The following ZBTB20 variants were observed in gnomAD, a reference collection of about 807,000 sequenced individuals.
ZBTB20 encodes zinc finger and BTB domain containing 20, also known as zinc finger and BTB domain-containing protein 20.
ZBTB20 carries 9 observed loss-of-function variants against 56.9 expected under a neutral mutation model. The ratio of observed to expected loss-of-function variants is 0.16; its 90% confidence interval spans 0.10 to 0.28. The LOEUF (loss-of-function observed/expected upper bound fraction) is 0.28, where lower values mean the gene tolerates loss of function less well. Among genes scored for constraint, ZBTB20 ranks in the 10% least tolerant of loss-of-function variants. ZBTB20 has a pLI of 1.00. For synonymous variants in ZBTB20, 417 were observed against 420.7 expected (o/e 0.99, Z 0.11); for missense variants, 655 against 1,003.0 (o/e 0.65, Z 4.69).
chr3:114,444,784 A>T (rs2091163708), intron 7 of ZBTB20, among the ~76,000 whole-genome samples: 1 of 152,110 alleles, frequency 6.6e-6, no homozygotes, highest in African/African-American at 2.4e-5. Flanking sequence ...TTCTCTATTT[A>T]AAATTCCTGG....
intron 6 of ZBTB20, among the ~76,000 whole-genome samples, chr3:114,639,725 AG>A (rs1461650575): frequency 6.6e-6 from 1 of 152,048 alleles, no homozygotes; most frequent in African/African-American, 2.4e-5. Flanking sequence ...AGCAATAGTT[AG>A]CAATACGAGT....
intron 10 of ZBTB20, among the ~76,000 whole-genome samples, chr3:114,372,434 G>T (rs1021592471): frequency 6.6e-5 from 10 of 152,144 alleles, no homozygotes. Flanking sequence ...TTTTATAAGA[G>T]GACAGACTGT....
intron 3 of ZBTB20, among the ~76,000 whole-genome samples, chr3:114,905,914 C>T (rs185821597): frequency 4.0e-5 from 6 of 151,792 alleles, no homozygotes; most frequent in Non-Finnish European, 7.4e-5. Flanking sequence ...CAGTTCCTAA[C>T]CAATTATGTG....
rs192321489 is a variant in ZBTB20, at chr3:115,035,335, T to A, written c.-507+35884A>T. Among the ~76,000 whole-genome samples, 326 of 152,030 alleles carry A rather than the reference T, an allele frequency of 2.1e-3. 2 individuals are homozygous for A. Among genetic ancestry groups the A allele is most frequent in the Non-Finnish European group, 3.2e-3 (220 of 67,924 alleles). On this transcript the variant is annotated intron_variant, in intron 2 of 11. Transcript: ENST00000675478. ...TCTCATATTGGATAAGGGGTTAACA[T>A]CCAAAATATACAGAGAACTCCTAAA...
intron 5 of ZBTB20, among the ~76,000 whole-genome samples, chr3:114,716,312 A>G (rs964733151): frequency 2.0e-5 from 3 of 152,288 alleles, no homozygotes; most frequent in South Asian, 4.1e-4. Context: ...TAGATAAATT[A>G]CAGTACATGC....
intron 4 of ZBTB20, among the ~76,000 whole-genome samples, chr3:114,814,282 A>G (rs1279166541): frequency 6.7e-6 from 1 of 149,382 alleles, no homozygotes; most frequent in East Asian, 1.9e-4. Flanking sequence ...TTATATAAAT[A>G]TATTTATACA....
intron 6 of ZBTB20, among the ~76,000 whole-genome samples, chr3:114,685,363 G>C (rs1285224874): frequency 1.3e-5 from 2 of 152,150 alleles, no homozygotes; most frequent in African/African-American, 4.8e-5. Flanking sequence ...TTCATGAGCT[G>C]ACAAGGACTT....
intron 8 of ZBTB20, 66 bp downstream of exon 8, chr3:114,388,939 T>C (rs1008829576): frequency 1.3e-5 from 2 of 148,634 alleles, no homozygotes; most frequent in African/African-American, 5.2e-5. Context: ...CAATTTTCTG[T>C]GTGTGTGTGT....
chr3:114,808,111 C>G (rs1238573491), intron 4 of ZBTB20, among the ~76,000 whole-genome samples: 2 of 152,106 alleles, frequency 1.3e-5, no homozygotes, highest in Non-Finnish European at 2.9e-5. Context: ...TTTCTCCTAA[C>G]TATAAATTGT....
intron 5 of ZBTB20, among the ~76,000 whole-genome samples, chr3:114,799,532 C>A (rs2071567157): frequency 6.6e-6 from 1 of 151,804 alleles, no homozygotes; most frequent in South Asian, 2.1e-4. Context: ...ACAGAATGAA[C>A]CCTGGATTTC....
At chr3:114,748,338 TTTCTTTCTTTCTTTTC>T (rs1560202302) in intron 5 of ZBTB20, among the ~76,000 whole-genome samples, 15 of 59,578 alleles carry the variant, frequency 2.5e-4, no homozygotes, top group African/African-American at 6.2e-4. Flanking sequence ...TTCTTTCTTC[TTTCTTTCTTTCTTTTC>T]TCTCTCTCTC....
At chr3:114,488,422 A>C (rs2042378226) in intron 7 of ZBTB20, among the ~76,000 whole-genome samples, 1 of 152,210 alleles carries the variant, frequency 6.6e-6, no homozygotes, top group Non-Finnish European at 1.5e-5. Context: ...TCCTAGTTTA[A>C]AAAATGATTT....
At chr3:114,611,386 A>G (rs2057539998) in intron 6 of ZBTB20, among the ~76,000 whole-genome samples, 1 of 152,154 alleles carries the variant, frequency 6.6e-6, no homozygotes, top group Non-Finnish European at 1.5e-5. Flanking sequence ...GGAACACAGA[A>G]GAGTCTGTGT....
chr3:114,409,135 T>C (rs1361111012), intron 7 of ZBTB20, among the ~76,000 whole-genome samples: 4 of 110,430 alleles, frequency 3.6e-5, no homozygotes, highest in Non-Finnish European at 6.1e-5. Context: ...CTTTTTTTTT[T>C]TTTTTTTTTT....
At chr3:114,401,083 GACACAC>G (rs201829025) in intron 7 of ZBTB20, among the ~76,000 whole-genome samples, 15,020 of 133,030 alleles carry the variant, frequency 0.11, 1,051 homozygotes, top group Admixed American at 0.24. Flanking sequence ...CTACCTCCCA[GACACAC>G]ACACACACAC....
chr3:114,513,881 AAAAAAGC>A (rs2045680815), intron 6 of ZBTB20, among the ~76,000 whole-genome samples: 1 of 152,006 alleles, frequency 6.6e-6, no homozygotes, highest in African/African-American at 2.4e-5. Flanking sequence ...ATTATAACAA[AAAAAAGC>A]ATTTAGGAAG....
rs139735676 is a variant in ZBTB20 at position 114,342,040 on chromosome 3, G to A, written c.1805-2614C>T. Among the ~76,000 whole-genome samples the A allele has an allele frequency of 3.8e-3, 585 of 152,302 alleles. 2 individuals carry two copies. Among genetic ancestry groups the A allele is most frequent in the African/African-American group, 0.013 (544 of 41,560 alleles). The stretch of plus-strand genomic sequence containing the variant: ...AGAACTTGGGAGCTCCTTAAAGGAA[G>A]GTGCTCTCTATAATTATTAAGGTGC... On this transcript the variant is annotated intron_variant, in intron 11 of 11. Coordinates refer to ENST00000675478, the MANE Select transcript of ZBTB20 (RefSeq NM_001348800.3).
At chr3:114,970,640 A>G (rs1576455710) in intron 3 of ZBTB20, among the ~76,000 whole-genome samples, 1 of 152,186 alleles carries the variant, frequency 6.6e-6, no homozygotes, top group East Asian at 1.9e-4. Context: ...GCATTAGTCA[A>G]CTCTGGAAGC....
At chr3:114,455,338 A>AT (rs1190354098) in intron 7 of ZBTB20, among the ~76,000 whole-genome samples, 1 of 152,146 alleles carries the variant, frequency 6.6e-6, no homozygotes, top group Non-Finnish European at 1.5e-5. Flanking sequence ...CTGATAAGCA[A>AT]TACTGCTCGT....
Sources: allele counts gnomAD v4.1 joint callset (sites outside exome capture counted in the v4.1 genomes callset), GRCh38; gene constraint gnomAD v4.1.1; transcripts MANE v1.5; gene names NCBI Gene and HGNC (gene_info 2026-07-23, HGNC 2026-07-21).